Variants in KIAA0930 observed in about 807,000 individuals in gnomAD.
KIAA0930 encodes KIAA0930, also known as uncharacterized protein KIAA0930.
KIAA0930 carries 24 observed loss-of-function variants against 43.9 expected under a neutral mutation model. The observed-to-expected ratio is 0.55, with a 90% CI of 0.40 to 0.77. The LOEUF is 0.77. Ranked by LOEUF, KIAA0930 falls within the 30% of genes least tolerant of loss-of-function variation. KIAA0930 has a pLI of 0.00. For missense variants in KIAA0930, 461 were observed against 574.2 expected, an observed-to-expected ratio of 0.80 and a Z score of 2.02; for synonymous variants, 259 against 216.4, an observed-to-expected ratio of 1.20 and a Z score of -1.73.
chr22:45,230,237 C>A (rs562980987), intron 1 of KIAA0930, among the ~76,000 whole-genome samples: 3 of 152,138 alleles, frequency 2.0e-5, no homozygotes, highest in Non-Finnish European at 4.4e-5. Context: ...AGACACAGGG[C>A]GGGCAGCGAG....
At position 45,238,997 on chromosome 22, in the gene KIAA0930, C is replaced by G. The variant is rs145195981; in HGVS notation, c.64+1643G>C. 2.2e-4 allele frequency among the ~76,000 whole-genome samples: 33 copies of G among 152,314 alleles called. No homozygotes were observed. The Middle Eastern group carries it at 0.014, about 63-fold the overall frequency. ...TTAAATTTGCAGCATGAGTAAAGCACCCGGCACATAGTAAGTGCTCAGTAA... is the reference window on the plus strand; with the variant it reads ...TTAAATTTGCAGCATGAGTAAAGCAGCCGGCACATAGTAAGTGCTCAGTAA... On this transcript the variant is annotated intron_variant, in intron 1 of 9. Coordinates refer to ENST00000336156, the MANE Select transcript of KIAA0930 (RefSeq NM_001009880.2).
chr22:45,232,975 G>A (rs1378064307), intron 1 of KIAA0930, among the ~76,000 whole-genome samples: 2 of 152,124 alleles, frequency 1.3e-5, no homozygotes, highest in African/African-American at 4.8e-5. Context: ...TGTCAATGTC[G>A]ATGACATTAA....
chr22:45,232,372 C>A (rs1392783194), intron 1 of KIAA0930, among the ~76,000 whole-genome samples: 1 of 152,232 alleles, frequency 6.6e-6, no homozygotes, highest in African/African-American at 2.4e-5. Flanking sequence ...AATACAAAGC[C>A]CTTTTACATT....
chr22:45,232,438 TCTC>T (rs917525850), intron 1 of KIAA0930, among the ~76,000 whole-genome samples: 1 of 152,174 alleles, frequency 6.6e-6, no homozygotes, highest in African/African-American at 2.4e-5. Flanking sequence ...CCTGCCTCGG[TCTC>T]CTCACTTGCA....
rs1034976498 is a variant in KIAA0930, at chr22:45,195,367, C to G, written c.*1809G>C. The G allele has an allele frequency of 6.6e-6, 1 of 152,270 alleles. No homozygotes were observed. Among genetic ancestry groups the G allele is most frequent in the Admixed American group, 6.5e-5 (1 of 15,276 alleles). 9.4% of individuals were successfully genotyped at this position (152,270 alleles called of 1,614,324 possible). ...GTTTCTCCCAAGATCCCCAGAACAA[C>G]CAGGGGAAGAGTTCCTGAAGAAATG... On this transcript the variant is annotated 3_prime_UTR_variant, in exon 10 of 10. Coordinates refer to ENST00000336156, the MANE Select transcript of KIAA0930 (RefSeq NM_001009880.2).
At chr22:45,214,351 G>A (rs951305747) in intron 1 of KIAA0930, among the ~76,000 whole-genome samples, 5 of 151,984 alleles carry the variant, frequency 3.3e-5, no homozygotes, top group African/African-American at 7.3e-5. Flanking sequence ...TATTCGTAAC[G>A]GCCACAAACT....
At chr22:45,221,328 T>C (rs942734033) in intron 1 of KIAA0930, among the ~76,000 whole-genome samples, 2 of 152,246 alleles carry the variant, frequency 1.3e-5, no homozygotes, top group Admixed American at 6.5e-5. Flanking sequence ...GCAAATGGCA[T>C]GGCAGTACGT....
intron 1 of KIAA0930, among the ~76,000 whole-genome samples, chr22:45,232,848 C>T (rs1228060140): frequency 6.6e-6 from 1 of 152,176 alleles, no homozygotes; most frequent in Non-Finnish European, 1.5e-5. Context: ...CTGTATGTGA[C>T]CTCAGCCTCC....
chr22:45,212,559 C>T (rs1045733738), intron 1 of KIAA0930: 8 of 1,393,940 alleles, frequency 5.7e-6, no homozygotes, highest in South Asian at 1.7e-5. Flanking sequence ...GCAGTCCCAG[C>T]GGGAACCCGA....
chr22:45,219,606 T>G (rs967584901), intron 1 of KIAA0930, among the ~76,000 whole-genome samples: 3 of 144,298 alleles, frequency 2.1e-5, no homozygotes, highest in Admixed American at 2.1e-4. Flanking sequence ...TTTTTTTTTT[T>G]TTTTTAAGAT....
chr22:45,232,273 G>A (rs1339739008), intron 1 of KIAA0930, among the ~76,000 whole-genome samples: 6 of 152,208 alleles, frequency 3.9e-5, no homozygotes, highest in Admixed American at 3.3e-4. Context: ...TTCATAACAT[G>A]TGGATTTGTA....
At chr22:45,228,111 G>A (rs946262386) in intron 1 of KIAA0930, among the ~76,000 whole-genome samples, 1 of 152,200 alleles carries the variant, frequency 6.6e-6, no homozygotes, top group Non-Finnish European at 1.5e-5. Flanking sequence ...TGAAGTCACA[G>A]TTCACAGGGT....
At chr22:45,216,379 A>T (rs1306518432) in intron 1 of KIAA0930, among the ~76,000 whole-genome samples, 1 of 151,780 alleles carries the variant, frequency 6.6e-6, no homozygotes, top group African/African-American at 2.4e-5. Context: ...TGCTGGCTGC[A>T]CGGCTCCAGC....
chr22:45,226,984 CAG>C (rs1162950401), intron 1 of KIAA0930: 2 of 153,030 alleles, frequency 1.3e-5, no homozygotes, highest in African/African-American at 2.4e-5. Context: ...ACGATATCTG[CAG>C]AGATGCCAAA....
rs116060287 is a variant in KIAA0930 at position 45,238,375 on chromosome 22, G to A, written c.64+2265C>T. Among the ~76,000 whole-genome samples, 693 of 152,338 alleles carry A rather than the reference G, an allele frequency of 4.5e-3. 3 individuals are homozygous for A. Among genetic ancestry groups the A allele is most frequent in the African/African-American group, 0.016 (649 of 41,580 alleles). On this transcript the variant is annotated intron_variant, in intron 1 of 9. Coordinates refer to ENST00000336156, the MANE Select transcript of KIAA0930 (RefSeq NM_001009880.2). ...TGTGCCCCATGCTGGGCACCAAGATGAATCAGACTGGGTAATGCCTTTGAA... is the reference window on the plus strand; with the variant it reads ...TGTGCCCCATGCTGGGCACCAAGATAAATCAGACTGGGTAATGCCTTTGAA...
rs148341463 is a variant in KIAA0930, at chr22:45,215,769, G to A, written c.65-3662C>T. 2.3e-3 allele frequency among the ~76,000 whole-genome samples: 343 copies of A among 152,326 alleles called. 1 individual carries two copies. Among genetic ancestry groups the A allele is most frequent in the Non-Finnish European group, 3.7e-3 (251 of 68,020 alleles). ...CAGAGGTAAACAGACGAGAACGCTAGGAGTGGAAGAATTGAACACAGCATT... is the reference window on the plus strand; with the variant it reads ...CAGAGGTAAACAGACGAGAACGCTAAGAGTGGAAGAATTGAACACAGCATT... On this transcript the variant is annotated intron_variant, in intron 1 of 9. Coordinates refer to ENST00000336156, the MANE Select transcript of KIAA0930 (RefSeq NM_001009880.2).
intron 1 of KIAA0930, among the ~76,000 whole-genome samples, chr22:45,237,040 T>C (rs529717454): frequency 3.8e-4 from 58 of 152,332 alleles, no homozygotes; most frequent in African/African-American, 1.3e-3. Context: ...GGGCTGCCCC[T>C]GTTGAAAGGG....
intron 5 of KIAA0930, 43 bp downstream of exon 5, chr22:45,205,174 C>T (rs371467458): frequency 2.6e-5 from 39 of 1,492,874 alleles, no homozygotes; most frequent in Admixed American, 6.7e-5. Context: ...ACCCATCTCA[C>T]GAGAAGGGGA....
chr22:45,238,049 T>C (rs548809700), intron 1 of KIAA0930, among the ~76,000 whole-genome samples: 1 of 152,034 alleles, frequency 6.6e-6, no homozygotes, highest in South Asian at 2.1e-4. Context: ...GCCTCCTGAG[T>C]AGCTGCGACT....
Sources: allele counts gnomAD v4.1 joint callset (sites outside exome capture counted in the v4.1 genomes callset), GRCh38; gene constraint gnomAD v4.1.1; transcripts MANE v1.5; gene names NCBI Gene and HGNC (gene_info 2026-07-23, HGNC 2026-07-21).